The following IL26 variants were observed in gnomAD, a reference collection of about 807,000 sequenced individuals.
The protein encoded by IL26 is interleukin 26.
Under a neutral mutation model 21.7 loss-of-function variants are expected in IL26, and 23 were observed. The observed-to-expected ratio is 1.06, with a 90% CI of 0.76 to 1.50. The LOEUF (loss-of-function observed/expected upper bound fraction) is 1.50. IL26 is among the 40% of genes most tolerant of loss of function. The pLI is 0.00. For missense variants in IL26, 204 were observed against 196.0 expected (o/e 1.04, Z -0.24); for synonymous variants, 63 against 67.8 (o/e 0.93, Z 0.34).
intron 3 of IL26, among the ~76,000 whole-genome samples, chr12:68,213,589 T>C (rs1222670221): frequency 6.6e-6 from 1 of 152,150 alleles, no homozygotes; most frequent in Non-Finnish European, 1.5e-5. Flanking sequence ...TCTTCATGGC[T>C]TAATCTTGAT....
At chr12:68,211,052 T>C (rs1461376803) in intron 3 of IL26, among the ~76,000 whole-genome samples, 1 of 152,228 alleles carries the variant, frequency 6.6e-6, no homozygotes, top group Non-Finnish European at 1.5e-5. Context: ...CACTGTATTT[T>C]TGAGCCCATT....
chr12:68,211,881 C>T (rs1035060313), intron 3 of IL26, among the ~76,000 whole-genome samples: 2 of 152,018 alleles, frequency 1.3e-5, no homozygotes, highest in African/African-American at 4.8e-5. Flanking sequence ...TTTAGCTTTA[C>T]ATAATCCCAT....
At chr12:68,208,749 C>T (rs1250204758) in intron 3 of IL26, among the ~76,000 whole-genome samples, 1 of 152,148 alleles carries the variant, frequency 6.6e-6, no homozygotes, top group Non-Finnish European at 1.5e-5. Flanking sequence ...GATCCACCCG[C>T]CTCTGCCTCC....
At chr12:68,210,471 T>G (rs1445321930) in intron 3 of IL26, among the ~76,000 whole-genome samples, 5 of 148,364 alleles carry the variant, frequency 3.4e-5, no homozygotes, top group African/African-American at 5.0e-5. Flanking sequence ...AAAATTAGCA[T>G]AATTTGAAGA....
chr12:68,225,096 C>T (rs1321083403), intron 3 of IL26, 53 bp downstream of exon 3: 1 of 1,542,304 alleles, frequency 6.5e-7, no homozygotes, highest in East Asian at 2.3e-5. Context: ...TACATGCTGA[C>T]TTCTAAACAG....
At chr12:68,224,302 T>TTTGTG (rs1869164496) in intron 3 of IL26, among the ~76,000 whole-genome samples, 1 of 151,466 alleles carries the variant, frequency 6.6e-6, no homozygotes, top group Non-Finnish European at 1.5e-5. Flanking sequence ...TTTGTTTTGT[T>TTTGTG]TTGTTTTGTT....
At chr12:68,207,062 A>G (rs1868563917) in intron 3 of IL26, among the ~76,000 whole-genome samples, 1 of 152,184 alleles carries the variant, frequency 6.6e-6, no homozygotes, top group Non-Finnish European at 1.5e-5. Context: ...TAGCAGTCCT[A>G]CACCCACATG....
intron 3 of IL26, among the ~76,000 whole-genome samples, chr12:68,212,351 C>G (rs573489935): frequency 6.6e-6 from 1 of 151,926 alleles, no homozygotes; most frequent in African/African-American, 2.4e-5. Flanking sequence ...CTCAGTATTG[C>G]TTTGGCTTTT....
chr12:68,203,313 A>G (rs1302076657), intron 3 of IL26, among the ~76,000 whole-genome samples: 2 of 152,238 alleles, frequency 1.3e-5, no homozygotes, highest in African/African-American at 4.8e-5. Flanking sequence ...AAAGGAAAAG[A>G]AAGGAAAGAA....
chr12:68,223,908 T>G (rs1417309681), intron 3 of IL26, among the ~76,000 whole-genome samples: 1 of 148,168 alleles, frequency 6.7e-6, no homozygotes, highest in Non-Finnish European at 1.5e-5. Flanking sequence ...TTTTTGCTTG[T>G]TTTTTTCTTT....
At chr12:68,207,998 T>C (rs1179835623) in intron 3 of IL26, among the ~76,000 whole-genome samples, 2 of 152,210 alleles carry the variant, frequency 1.3e-5, no homozygotes, top group African/African-American at 4.8e-5. Flanking sequence ...AGTGTATTTA[T>C]TGAAAAACAA....
chr12:68,206,740 T>C (rs1868554268), intron 3 of IL26, among the ~76,000 whole-genome samples: 2 of 152,202 alleles, frequency 1.3e-5, no homozygotes, highest in Admixed American at 6.5e-5. Flanking sequence ...TAAATGACTG[T>C]AGCATTGTTT....
chr12:68,203,327 G>A (rs1868439970), intron 3 of IL26, among the ~76,000 whole-genome samples: 1 of 152,206 alleles, frequency 6.6e-6, no homozygotes, highest in African/African-American at 2.4e-5. Context: ...GAAAGAAAAT[G>A]TGAAAATGCC....
intron 3 of IL26, among the ~76,000 whole-genome samples, chr12:68,220,794 G>A (rs533708733): frequency 1.3e-4 from 20 of 152,266 alleles, no homozygotes; most frequent in Non-Finnish European, 2.4e-4. Context: ...GCGCCACCGC[G>A]CCTGGCTAAT....
intron 3 of IL26, among the ~76,000 whole-genome samples, chr12:68,204,712 T>A (rs1044516247): frequency 1.8e-4 from 28 of 152,208 alleles, no homozygotes; most frequent in African/African-American, 6.5e-4. Flanking sequence ...GCAGTGCCAG[T>A]GTTGCCACAC....
At chr12:68,217,052 G>A (rs373498417) in intron 3 of IL26, among the ~76,000 whole-genome samples, 83 of 137,682 alleles carry the variant, frequency 6.0e-4, no homozygotes, top group African/African-American at 1.8e-3. Flanking sequence ...ATTATGGCTA[G>A]GAAAGAGTAT....
chr12:68,220,523 A>G (rs1869015925), intron 3 of IL26, among the ~76,000 whole-genome samples: 1 of 152,170 alleles, frequency 6.6e-6, no homozygotes. Context: ...TAAATGTAAA[A>G]TTTTTTCATG....
intron 3 of IL26, among the ~76,000 whole-genome samples, chr12:68,213,710 G>A (rs532797160): frequency 4.0e-5 from 6 of 151,846 alleles, no homozygotes; most frequent in East Asian, 1.9e-4. Flanking sequence ...TATTTCTGTG[G>A]CATCAGTTGT....
At chr12:68,202,512 A>G (rs745338020) in intron 3 of IL26, among the ~76,000 whole-genome samples, 4 of 152,216 alleles carry the variant, frequency 2.6e-5, no homozygotes, top group Non-Finnish European at 4.4e-5. Flanking sequence ...GAGAGGCCTC[A>G]GGAAACTTAC....
Sources: allele counts gnomAD v4.1 joint callset (sites outside exome capture counted in the v4.1 genomes callset), GRCh38; gene constraint gnomAD v4.1.1; transcripts MANE v1.5; gene names NCBI Gene and HGNC (gene_info 2026-07-23, HGNC 2026-07-21).